The following BCAR3 variants were observed in gnomAD, a reference collection of about 807,000 sequenced individuals.
BCAR3 encodes BCAR3 adaptor protein, NSP family member.
In BCAR3, 37 loss-of-function variants were observed where a neutral mutation model predicts 80.1. The observed-to-expected ratio is 0.46, with a 90% CI of 0.36 to 0.61. The LOEUF (loss-of-function observed/expected upper bound fraction) is 0.61, where lower values mean the gene tolerates loss of function less well. BCAR3 is among the 20% of genes least tolerant of loss of function. The probability of loss-of-function intolerance (pLI) is 0.00; values close to 1 mark genes in which losing one functional copy is unlikely to be tolerated. For missense variants in BCAR3, 978 were observed against 1,068.2 expected, an observed-to-expected ratio of 0.92 and a Z score of 1.18; for synonymous variants, 389 against 418.9, an observed-to-expected ratio of 0.93 and a Z score of 0.87.
chr1:93,847,083 A>T (rs1482455052), exon 1 of BCAR3: 2 of 249,208 alleles, frequency 8.0e-6, no homozygotes, highest in African/African-American at 4.8e-5. Context: ...TCGCAGCCCG[A>T]GGGGAGGCCG....
intron 11 of BCAR3, among the ~76,000 whole-genome samples, chr1:93,563,954 A>G (rs1358567535): frequency 1.3e-5 from 2 of 152,202 alleles, no homozygotes; most frequent in East Asian, 3.9e-4. Flanking sequence ...TCGACCTCCC[A>G]AAGTGCTGGG....
intron 3 of BCAR3, among the ~76,000 whole-genome samples, chr1:93,615,803 C>A (rs900688900): frequency 1.3e-5 from 2 of 152,168 alleles, no homozygotes; most frequent in African/African-American, 4.8e-5. Flanking sequence ...TTAGCCACCA[C>A]AGAATGGGCC....
chr1:93,562,930 C>A (rs1326294029), intron 11 of BCAR3, among the ~76,000 whole-genome samples: 9 of 152,026 alleles, frequency 5.9e-5, no homozygotes, highest in African/African-American at 1.9e-4. Context: ...AACCTAAGCA[C>A]CTTCAGAGAA....
intron 3 of BCAR3, among the ~76,000 whole-genome samples, chr1:93,692,269 G>A (rs575838710): frequency 1.3e-5 from 2 of 152,266 alleles, no homozygotes. Context: ...CCTCCCCAGT[G>A]CACACACAGC....
At position 93,764,518 on chromosome 1, in the gene BCAR3, T is replaced by A. The variant is rs537118430; in HGVS notation, c.-62-58376A>T. On this transcript the variant is annotated intron_variant, in intron 2 of 13. Coordinates refer to the BCAR3 transcript ENST00000370244. Reference sequence around the variant, plus strand: ...ACCCTTGTGATATCTGTGGCCTCCATCTCCTGCCTCTCACAGTCACATCTC... The same window carrying A: ...ACCCTTGTGATATCTGTGGCCTCCAACTCCTGCCTCTCACAGTCACATCTC... Among the ~76,000 whole-genome samples the A allele has an allele frequency of 4.0e-4, 60 of 151,776 alleles. 1 individual carries two copies. Among genetic ancestry groups the A allele is most frequent in the South Asian group, 2.1e-3 (10 of 4,766 alleles).
At chr1:93,610,423 C>T (rs1323239548) in intron 3 of BCAR3, among the ~76,000 whole-genome samples, 3 of 152,140 alleles carry the variant, frequency 2.0e-5, no homozygotes, top group South Asian at 4.1e-4. Flanking sequence ...CTTTGTCCAT[C>T]CAAATCCCCA....
At chr1:93,675,710 G>T (rs1194813515) in intron 1 of BCAR3, among the ~76,000 whole-genome samples, 1 of 152,006 alleles carries the variant, frequency 6.6e-6, no homozygotes, top group African/African-American at 2.4e-5. Flanking sequence ...AAATGGTGGG[G>T]GGCAAAGGAA....
Position 93,562,246 on chromosome 1 carries a change from G to A in BCAR3, c.2473C>T (p.Leu825Phe). Residue 825 changes from leucine (L) to phenylalanine (F), a missense_variant, in exon 12 of 12, where the codon CTT (leucine) becomes TTT (phenylalanine). Transcript: ENST00000260502. ...LEPPPVKQAE[L>F] ...AAAGGTTCTCTGGAGAGTTATCAAAGCTCTGCCTGCTTTACAGGAGGAGGT... is the reference window on the plus strand; with the variant it reads ...AAAGGTTCTCTGGAGAGTTATCAAAACTCTGCCTGCTTTACAGGAGGAGGT... 6.2e-7 allele frequency: 1 copy of A among 1,613,450 alleles called. No individual in the cohort carries two copies. The highest frequency in any genetic ancestry group is 8.5e-7 in the Non-Finnish European group (1 of 1,179,612).
At chr1:93,772,900 G>A (rs569653048) in intron 2 of BCAR3, among the ~76,000 whole-genome samples, 3 of 152,042 alleles carry the variant, frequency 2.0e-5, no homozygotes, top group South Asian at 4.2e-4. Flanking sequence ...CACCACACCC[G>A]GCCATCAACC....
chr1:93,740,688 C>T (rs910669067), intron 2 of BCAR3, among the ~76,000 whole-genome samples: 3 of 152,170 alleles, frequency 2.0e-5, no homozygotes, highest in Non-Finnish European at 2.9e-5. Flanking sequence ...GGATCAGTCG[C>T]TCAGCGGAGC....
At chr1:93,692,615 T>G (rs1427950583) in intron 3 of BCAR3, among the ~76,000 whole-genome samples, 1 of 152,070 alleles carries the variant, frequency 6.6e-6, no homozygotes, top group African/African-American at 2.4e-5. Context: ...GACGAGAAAA[T>G]GAAAGCACAA....
chr1:93,563,212 G>A (rs1672775456), intron 11 of BCAR3, among the ~76,000 whole-genome samples: 1 of 152,172 alleles, frequency 6.6e-6, no homozygotes, highest in Non-Finnish European at 1.5e-5. Flanking sequence ...GTCAATTCCT[G>A]TTCCTACTGC....
At chr1:93,664,275 A>G (rs1647794819) in intron 2 of BCAR3, among the ~76,000 whole-genome samples, 1 of 151,990 alleles carries the variant, frequency 6.6e-6, no homozygotes, top group Admixed American at 6.6e-5. Context: ...ATGCACCACC[A>G]CGCCCAGCTA....
intron 2 of BCAR3, among the ~76,000 whole-genome samples, chr1:93,749,139 C>A (rs1363381036): frequency 2.1e-5 from 3 of 146,312 alleles, no homozygotes; most frequent in Non-Finnish European, 4.5e-5. Flanking sequence ...CACACACAAA[C>A]AAATAATGGT....
intron 4 of BCAR3, among the ~76,000 whole-genome samples, chr1:93,591,043 A>C (rs895030030): frequency 6.6e-6 from 1 of 152,086 alleles, no homozygotes. Flanking sequence ...TATGAGGAGA[A>C]TTATGGATAA....
chr1:93,724,883 C>T (rs1245585741), intron 2 of BCAR3, among the ~76,000 whole-genome samples: 1 of 152,196 alleles, frequency 6.6e-6, no homozygotes, highest in East Asian at 1.9e-4. Context: ...AGTGCATTAG[C>T]CCTCTAAACC....
At chr1:93,708,002 C>A (rs1274212640) in intron 2 of BCAR3, among the ~76,000 whole-genome samples, 1 of 151,952 alleles carries the variant, frequency 6.6e-6, no homozygotes. Flanking sequence ...GGTGGTAAGC[C>A]GAGGGGGCGG....
chr1:93,584,767 G>A (rs966966609), intron 5 of BCAR3, among the ~76,000 whole-genome samples: 4 of 152,206 alleles, frequency 2.6e-5, no homozygotes, highest in African/African-American at 9.7e-5. Context: ...ACAAGGAAAA[G>A]GTGGAAGGTA....
At chr1:93,719,105 C>A (rs759548571) in intron 2 of BCAR3, among the ~76,000 whole-genome samples, 8 of 152,044 alleles carry the variant, frequency 5.3e-5, no homozygotes, top group African/African-American at 1.4e-4. Context: ...ATTAGTTTAT[C>A]TTTTTCCGCC....
Sources: allele counts gnomAD v4.1 joint callset (sites outside exome capture counted in the v4.1 genomes callset), GRCh38; gene constraint gnomAD v4.1.1; transcripts MANE v1.5; gene names NCBI Gene and HGNC (gene_info 2026-07-23, HGNC 2026-07-21).